Variants in TXNRD2 observed in about 807,000 individuals in gnomAD.
TXNRD2 encodes thioredoxin reductase 2, also known as thioredoxin reductase 2, mitochondrial.
Under a neutral mutation model 70.8 loss-of-function variants are expected in TXNRD2, and 67 were observed. The observed-to-expected ratio is 0.95, with a 90% CI of 0.78 to 1.16. The LOEUF (loss-of-function observed/expected upper bound fraction) is 1.16, where lower values mean the gene tolerates loss of function less well. Among genes scored for constraint, TXNRD2 ranks in the 50% most tolerant of loss-of-function variants. The pLI is 0.00. For synonymous variants in TXNRD2, 301 were observed against 295.8 expected, an observed-to-expected ratio of 1.02 and a Z score of -0.18; for missense variants, 644 against 719.9, an observed-to-expected ratio of 0.89 and a Z score of 1.21.
intron 11 of TXNRD2, among the ~76,000 whole-genome samples, chr22:19,886,937 A>T (rs1015953473): frequency 3.9e-5 from 6 of 152,148 alleles, no homozygotes; most frequent in African/African-American, 1.4e-4. Context: ...AGACCCTCAA[A>T]GGAAGGGCGG....
rs183135121 is a variant in TXNRD2 at position 19,925,510 on chromosome 22, G to A, written c.172+5520C>T. ...GTGAGTATGTGAGATTTTCTCACAC[G>A]ATTTAAGTATATTTTAAACAAAAAT... is the stretch of plus-strand genomic sequence containing the variant. On this transcript the variant is annotated intron_variant, in intron 2 of 17. Coordinates refer to ENST00000400521, the MANE Select transcript of TXNRD2 (RefSeq NM_006440.5). 1.1e-4 allele frequency among the ~76,000 whole-genome samples: 16 copies of A among 151,862 alleles called. 1 individual carries two copies. Among genetic ancestry groups the A allele is most frequent in the African/African-American group, 3.1e-4 (13 of 41,282 alleles).
At chr22:19,908,230 G>C (rs979031378) in intron 8 of TXNRD2, among the ~76,000 whole-genome samples, 1 of 152,024 alleles carries the variant, frequency 6.6e-6, no homozygotes, top group Admixed American at 6.6e-5. Context: ...CACTGCCCAG[G>C]CCAGGGGTAT....
rs529498149 is a variant in TXNRD2, at chr22:19,889,465, G to C, written c.949+5942C>G. ...GTCTCTACTAAAAATACAAAAATTA[G>C]CTGGGCGCGGTGGCGGGTGCCTGTA... On this transcript the variant is annotated intron_variant, in intron 11 of 17. Coordinates refer to ENST00000400521, the MANE Select transcript of TXNRD2 (RefSeq NM_006440.5). Among the ~76,000 whole-genome samples the C allele has an allele frequency of 6.2e-4, 94 of 152,102 alleles. 1 individual carries two copies. Among genetic ancestry groups the C allele is most frequent in the African/African-American group, 2.1e-3 (89 of 41,480 alleles).
chr22:19,924,259 G>A (rs1490034780), intron 2 of TXNRD2, among the ~76,000 whole-genome samples: 2 of 151,854 alleles, frequency 1.3e-5, no homozygotes, highest in South Asian at 2.1e-4. Context: ...GGCCACAACC[G>A]GCCTTTTAAC....
intron 1 of TXNRD2, chr22:19,933,519 C>G: frequency 7.8e-7 from 1 of 1,288,838 alleles, no homozygotes; most frequent in Non-Finnish European, 1.0e-6. Flanking sequence ...ACTGTGCCCC[C>G]TCTGTCTGCT....
chr22:19,889,482 G>A (rs1486036216), intron 11 of TXNRD2, among the ~76,000 whole-genome samples: 1 of 152,078 alleles, frequency 6.6e-6, no homozygotes, highest in Non-Finnish European at 1.5e-5. Context: ...GCGGTGGCGG[G>A]TGCCTGTAAT....
chr22:19,881,266 G>A (rs1938761856), intron 12 of TXNRD2: 2 of 396,106 alleles, frequency 5.0e-6, no homozygotes, highest in South Asian at 1.4e-4. Context: ...CCTCTGGGAT[G>A]GGCTGCCAAT....
rs578192827 is a variant in TXNRD2, at chr22:19,917,565, C to A, written c.449+578G>T. ...GAGAAAGGCTGGGCCAGAGGCGGTA[C>A]CAGTTTCAGGCATCTGCTGTGCTGG... is the stretch of plus-strand genomic sequence containing the variant. On this transcript the variant is annotated intron_variant, in intron 5 of 17. Transcript: ENST00000400521. Among the ~76,000 whole-genome samples the A allele has an allele frequency of 5.3e-5, 8 of 152,272 alleles. No individual in the cohort carries two copies. The East Asian group carries it at 1.5e-3, about 29-fold the overall frequency.
chr22:19,941,212 T>C (rs1941700641), intron 1 of TXNRD2, among the ~76,000 whole-genome samples: 1 of 152,164 alleles, frequency 6.6e-6, no homozygotes, highest in Admixed American at 6.5e-5. Context: ...ACCCAGCCTC[T>C]GCTTCGAGTG....
intron 8 of TXNRD2, among the ~76,000 whole-genome samples, chr22:19,906,214 AG>A (rs1258063345): frequency 6.6e-6 from 1 of 152,210 alleles, no homozygotes; most frequent in Admixed American, 6.5e-5. Flanking sequence ...GCATGCTCAC[AG>A]ACACGCTCAT....
chr22:19,890,067 C>T (rs1280851527), intron 11 of TXNRD2, among the ~76,000 whole-genome samples: 3 of 152,190 alleles, frequency 2.0e-5, no homozygotes, highest in East Asian at 1.9e-4. Context: ...TCAAGCCAAG[C>T]GTGGGGCACC....
At chr22:19,933,855 C>T (rs9605031) in intron 1 of TXNRD2, among the ~76,000 whole-genome samples, 33,871 of 152,178 alleles carry the variant, frequency 0.22, 4,178 homozygotes, top group Middle Eastern at 0.34. Flanking sequence ...CCCACTTTAG[C>T]CAGGCATACC....
intron 6 of TXNRD2, 94 bp from the exon 7 acceptor site, chr22:19,915,370 C>T (rs1460957108): frequency 1.5e-6 from 2 of 1,318,116 alleles, no homozygotes; most frequent in African/African-American, 1.5e-5. Flanking sequence ...CCAGCAGTTC[C>T]CACGGCCCCT....
In TXNRD2 at chr22:19,883,471, A is replaced by G. The variant is rs1938881045; in HGVS notation, c.950-10T>C. The G allele has an allele frequency of 6.2e-7, 1 of 1,614,028 alleles. No individual in the cohort carries two copies. The highest frequency in any genetic ancestry group is 8.5e-7 in the Non-Finnish European group (1 of 1,180,024). On this transcript the variant is annotated splice_polypyrimidine_tract_variant and intron_variant, in intron 11 of 17. Transcript: ENST00000400521. Reference sequence around the variant, plus strand: ...GTGTCTGGGACTCGACCTGAAGGAAACAGAGAGGGGGCTGAAAGGTTATCT... The same window carrying G: ...GTGTCTGGGACTCGACCTGAAGGAAGCAGAGAGGGGGCTGAAAGGTTATCT...
chr22:19,931,885 G>A (rs1409892830), intron 1 of TXNRD2, among the ~76,000 whole-genome samples: 1 of 152,068 alleles, frequency 6.6e-6, no homozygotes, highest in African/African-American at 2.4e-5. Flanking sequence ...CACAGGCTAG[G>A]GGCGGTAGCT....
Position 19,926,129 on chromosome 22 carries a change from C to T in TXNRD2, c.172+4901G>A, listed in dbSNP as rs575860181. On this transcript the variant is annotated intron_variant, in intron 2 of 17. Coordinates refer to ENST00000400521, the MANE Select transcript of TXNRD2 (RefSeq NM_006440.5). ...GGTGAGCCGAGATTGTGCCATGGTA[C>T]TCCAGCCTGGGCAACAAGAGCGAAA... Among the ~76,000 whole-genome samples the T allele has an allele frequency of 6.9e-5, 10 of 145,976 alleles. No homozygotes were observed. In the South Asian group the frequency reaches 2.2e-3, roughly 32 times the overall value.
At chr22:19,886,742 CTG>C (rs1468042363) in intron 11 of TXNRD2, among the ~76,000 whole-genome samples, 5 of 152,384 alleles carry the variant, frequency 3.3e-5, no homozygotes, top group African/African-American at 1.2e-4. Context: ...TGGGGCGGCT[CTG>C]TGCTCCCTGC....
chr22:19,939,680 C>T (rs1402737946), intron 1 of TXNRD2, among the ~76,000 whole-genome samples: 3 of 152,112 alleles, frequency 2.0e-5, no homozygotes, highest in Admixed American at 6.5e-5. Context: ...TAAATACCCT[C>T]CTCTGTGCCT....
At chr22:19,902,067 T>C (rs1307327635) in intron 8 of TXNRD2, among the ~76,000 whole-genome samples, 1 of 152,202 alleles carries the variant, frequency 6.6e-6, no homozygotes, top group Non-Finnish European at 1.5e-5. Flanking sequence ...CATGGTGGTA[T>C]GCACCTGTAG....
Sources: gnomAD v4.1 joint callset for allele counts (sites outside exome capture counted in the v4.1 genomes callset) on GRCh38, gnomAD v4.1.1 for gene constraint, MANE v1.5 for transcripts, NCBI Gene and HGNC (gene_info 2026-07-23, HGNC 2026-07-21) for gene names.